Variants in SGCD observed in about 807,000 individuals in gnomAD.
SGCD encodes delta-sarcoglycan.
A neutral mutation model predicts 36.6 loss-of-function variants in SGCD; 18 were observed. That is an observed-to-expected ratio of 0.49 (90% confidence interval 0.34 to 0.73). SGCD has a LOEUF of 0.73. Ranked by LOEUF, SGCD falls within the 30% of genes least tolerant of loss-of-function variation. The probability of loss-of-function intolerance (pLI) is 0.01; values close to 1 mark genes in which losing one functional copy is unlikely to be tolerated. For missense variants in SGCD, 387 were observed against 346.7 expected (o/e 1.12, Z -0.92); for synonymous variants, 133 against 130.6 (o/e 1.02, Z -0.12).
chr5:156,668,935 T>TC (rs1753173709), intron 7 of SGCD, among the ~76,000 whole-genome samples: 1 of 152,078 alleles, frequency 6.6e-6, no homozygotes, highest in Non-Finnish European at 1.5e-5. Context: ...TGCAAGGTGG[T>TC]CCCATACCAG....
At position 156,257,164 on chromosome 5, in the gene SGCD, A is replaced by AAAATAAATAAATAAAT. The variant is rs71577192; in HGVS notation, c.-43-72358_-43-72343dup. On this transcript the variant is annotated intron_variant, in intron 3 of 9. Transcript: ENST00000517913. ...GTACTCCAGCCTGGACCCTGTCTTC[A>AAAATAAATAAATAAAT]AAATAAATAAATAAATAAATAAATA... 1.6e-3 allele frequency among the ~76,000 whole-genome samples: 244 copies of AAAATAAATAAATAAAT among 148,052 alleles called. 2 individuals are homozygous for AAAATAAATAAATAAAT. The highest frequency in any genetic ancestry group is 7.0e-3 in the Middle Eastern group (2 of 284).
chr5:156,720,669 TG>T (rs533786541), intron 7 of SGCD, among the ~76,000 whole-genome samples: 59 of 152,306 alleles, frequency 3.9e-4, no homozygotes, highest in African/African-American at 1.1e-3. Flanking sequence ...GAAGAATCAA[TG>T]GGTGCCCAGC....
chr5:156,237,042 C>G (rs1363475320), intron 3 of SGCD, among the ~76,000 whole-genome samples: 1 of 150,620 alleles, frequency 6.6e-6, no homozygotes, highest in Non-Finnish European at 1.5e-5. Flanking sequence ...ACCATGTTGG[C>G]CAGGCTGGTC....
At chr5:156,189,825 G>T (rs1322698926) in intron 3 of SGCD, among the ~76,000 whole-genome samples, 1 of 152,070 alleles carries the variant, frequency 6.6e-6, no homozygotes, top group African/African-American at 2.4e-5. Flanking sequence ...AATTTTTTTT[G>T]AACACTATAT....
intron 4 of SGCD, among the ~76,000 whole-genome samples, chr5:156,575,715 A>G (rs1306958466): frequency 6.6e-6 from 1 of 152,062 alleles, no homozygotes; most frequent in East Asian, 1.9e-4. Flanking sequence ...TTAAAGTAGC[A>G]TTCCCTAAAA....
At chr5:156,220,423 A>G (rs1326822315) in intron 3 of SGCD, among the ~76,000 whole-genome samples, 1 of 152,200 alleles carries the variant, frequency 6.6e-6, no homozygotes, top group African/African-American at 2.4e-5. Flanking sequence ...GACTTTATAA[A>G]TCAAAATCTT....
At chr5:155,974,610 A>T (rs944479530) in intron 1 of SGCD, among the ~76,000 whole-genome samples, 1 of 149,716 alleles carries the variant, frequency 6.7e-6, no homozygotes, top group Non-Finnish European at 1.5e-5. Context: ...CTGGCTGTCC[A>T]GTGAGAGTTG....
At chr5:156,573,994 C>T (rs1759826201) in intron 4 of SGCD, among the ~76,000 whole-genome samples, 1 of 152,140 alleles carries the variant, frequency 6.6e-6, no homozygotes, top group African/African-American at 2.4e-5. Context: ...CACCCATCCC[C>T]ATCCTGTTCT....
chr5:155,932,942 T>C (rs1393456594), intron 1 of SGCD, among the ~76,000 whole-genome samples: 3 of 152,206 alleles, frequency 2.0e-5, no homozygotes, highest in African/African-American at 4.8e-5. Context: ...TATCTCATTA[T>C]AGAATGTCAG....
chr5:156,527,095 G>T (rs570503087), intron 4 of SGCD, among the ~76,000 whole-genome samples: 2 of 152,252 alleles, frequency 1.3e-5, no homozygotes, highest in South Asian at 4.1e-4. Flanking sequence ...TGGTACAGAA[G>T]GGTCCATCAT....
the SGCD span, among the ~76,000 whole-genome samples, chr5:155,836,536 G>C: frequency 1.5e-5 from 2 of 130,688 alleles, no homozygotes; most frequent in African/African-American, 5.7e-5. Flanking sequence ...AGAGTGAAAA[G>C]CTCCTTCAGA....
intron 3 of SGCD, among the ~76,000 whole-genome samples, chr5:156,286,895 A>G (rs1488579271): frequency 6.6e-6 from 1 of 152,070 alleles, no homozygotes; most frequent in Non-Finnish European, 1.5e-5. Flanking sequence ...GGATGGTAAT[A>G]AGAAGGGAAA....
In SGCD at chr5:156,766,188, ATATCT is replaced by A. The variant is rs746840413; in HGVS notation, c.*6801_*6805del. On this transcript the variant is annotated 3_prime_UTR_variant, in exon 9 of 9. Transcript: ENST00000337851. ...CTTTATACTTCCCTTCAAAAGACAA[ATATCT>A]TACTTTTGATCTTTGACACTATTTG... The A allele has an allele frequency of 8.5e-5, 13 of 152,090 alleles. No homozygotes were observed. The highest frequency in any genetic ancestry group is 6.3e-3 in the Middle Eastern group (2 of 316). 9.4% of individuals were successfully genotyped at this position (152,090 alleles called of 1,614,324 possible).
chr5:156,417,603 C>A (rs1230502662), intron 3 of SGCD, among the ~76,000 whole-genome samples: 1 of 152,118 alleles, frequency 6.6e-6, no homozygotes, highest in East Asian at 1.9e-4. Context: ...CTGATGAGGG[C>A]TGTCTTCCTG....
At chr5:155,995,082 G>C (rs1174566879) in intron 1 of SGCD, among the ~76,000 whole-genome samples, 1 of 152,080 alleles carries the variant, frequency 6.6e-6, no homozygotes, top group African/African-American at 2.4e-5. Context: ...GCTTCTTATG[G>C]GTACACACAT....
At chr5:156,039,686 C>T (rs1279604804) in intron 1 of SGCD, among the ~76,000 whole-genome samples, 3 of 152,188 alleles carry the variant, frequency 2.0e-5, no homozygotes, top group Non-Finnish European at 2.9e-5. Context: ...TTTCTCATTT[C>T]TCATTTCAGC....
At chr5:156,453,410 T>C (rs1754112751) in intron 3 of SGCD, among the ~76,000 whole-genome samples, 1 of 152,180 alleles carries the variant, frequency 6.6e-6, no homozygotes, top group African/African-American at 2.4e-5. Flanking sequence ...TGGAAAATTA[T>C]ATACCATGGA....
At chr5:155,964,220 T>A (rs1319324286) in intron 1 of SGCD, among the ~76,000 whole-genome samples, 1 of 152,094 alleles carries the variant, frequency 6.6e-6, no homozygotes, top group Admixed American at 6.6e-5. Context: ...AGAAAAACAC[T>A]TTTTTTAGAT....
chr5:155,804,562 G>T, the SGCD span, among the ~76,000 whole-genome samples: 3 of 152,208 alleles, frequency 2.0e-5, no homozygotes, highest in Non-Finnish European at 2.9e-5. Flanking sequence ...TCTCCAGGAA[G>T]TCATTCAGGA....
Sources: allele counts gnomAD v4.1 joint callset (sites outside exome capture counted in the v4.1 genomes callset), GRCh38; gene constraint gnomAD v4.1.1; transcripts MANE v1.5; gene names NCBI Gene and HGNC (gene_info 2026-07-23, HGNC 2026-07-21).